The following PCDHA3 variants were observed in gnomAD, a reference collection of about 807,000 sequenced individuals.
PCDHA3 encodes protocadherin alpha-3.
Under a neutral mutation model 62.2 loss-of-function variants are expected in PCDHA3, and 41 were observed. The ratio of observed to expected loss-of-function variants is 0.66; its 90% CI spans 0.51 to 0.86. The LOEUF (loss-of-function observed/expected upper bound fraction) is 0.86, where lower values mean the gene tolerates loss of function less well. Ranked by LOEUF, PCDHA3 falls within the 40% of genes least tolerant of loss-of-function variation. The pLI, the probability that PCDHA3 is intolerant of heterozygous loss-of-function variation, is 0.00. For synonymous variants in PCDHA3, 640 were observed against 555.4 expected (o/e 1.15, Z -2.14); for missense variants, 1,304 against 1,241.2 (o/e 1.05, Z -0.76).
intron 1 of PCDHA3, chr5:140,871,625 ATGTC>A (rs1304722830): frequency 2.1e-6 from 3 of 1,403,018 alleles, no homozygotes; most frequent in Non-Finnish European, 2.8e-6. Context: ...TTAGATAACA[ATGTC>A]TGTTCATAAA....
At chr5:140,841,119 T>G (rs572378133) in intron 1 of PCDHA3, 1 of 628,942 alleles carries the variant, frequency 1.6e-6, no homozygotes, top group East Asian at 2.8e-5. Flanking sequence ...ATTCATGTAA[T>G]CATTACCTTT....
At chr5:140,958,696 G>A (rs1276859394) in intron 1 of PCDHA3, among the ~76,000 whole-genome samples, 1 of 152,156 alleles carries the variant, frequency 6.6e-6, no homozygotes, top group African/African-American at 2.4e-5. Flanking sequence ...ATATCCTAGA[G>A]TGACAACTCT....
intron 1 of PCDHA3, chr5:140,825,598 A>G (rs1581824463): frequency 6.6e-6 from 1 of 151,392 alleles, no homozygotes; most frequent in Admixed American, 6.6e-5. Context: ...AATTTTTTGT[A>G]TTTACTAGAG....
chr5:140,869,424 G>T (rs2051119407), intron 1 of PCDHA3: 18 of 1,614,216 alleles, frequency 1.1e-5, no homozygotes, highest in Non-Finnish European at 1.5e-5. Context: ...TCCACCTGGA[G>T]GTGATCGTGG....
chr5:140,941,942 T>C (rs2093203170), intron 1 of PCDHA3, among the ~76,000 whole-genome samples: 1 of 152,234 alleles, frequency 6.6e-6, no homozygotes, highest in African/African-American at 2.4e-5. Flanking sequence ...GAATTACTTT[T>C]GTTTTGAAAA....
At chr5:140,870,956 G>A (rs1554164932) in intron 1 of PCDHA3, 1 of 1,613,634 alleles carries the variant, frequency 6.2e-7, no homozygotes, top group Non-Finnish European at 8.5e-7. Context: ...GGCGGCTCGC[G>A]CATCCCGTTC....
At chr5:140,813,701 T>C (rs1357326463) in intron 1 of PCDHA3, 1 of 152,174 alleles carries the variant, frequency 6.6e-6, no homozygotes, top group Non-Finnish European at 1.5e-5. Flanking sequence ...TATCAAAAAA[T>C]TTTCTTTTTA....
chr5:140,927,256 C>T, intron 1 of PCDHA3: 1 of 1,614,144 alleles, frequency 6.2e-7, no homozygotes, highest in Non-Finnish European at 8.5e-7. Context: ...TGACAACTCA[C>T]CTCTCTTTCC....
intron 1 of PCDHA3, among the ~76,000 whole-genome samples, chr5:140,970,255 A>G (rs155806): frequency 0.089 from 13,563 of 152,250 alleles, 783 homozygotes; most frequent in Middle Eastern, 0.22. Context: ...GACAGTTTCT[A>G]TGGTTTTGAT....
rs946669637 is a variant in PCDHA3, at chr5:140,923,020, G to C, written c.2395-55929G>C. On this transcript the variant is annotated intron_variant, in intron 1 of 3. Coordinates refer to ENST00000522353, the MANE Select transcript of PCDHA3 (RefSeq NM_018906.3). ...AGAATGGTTGTTGGACTGCAGTTTCGGACTCTATTACTACATGTATAGTAT... is the reference window on the plus strand; with the variant it reads ...AGAATGGTTGTTGGACTGCAGTTTCCGACTCTATTACTACATGTATAGTAT... Among the ~76,000 whole-genome samples the C allele has an allele frequency of 2.0e-5, 3 of 152,230 alleles. No homozygotes were observed. The East Asian group carries it at 5.8e-4, about 29-fold the overall frequency.
At chr5:140,838,041 C>T (rs1479923409) in intron 1 of PCDHA3, among the ~76,000 whole-genome samples, 1 of 149,154 alleles carries the variant, frequency 6.7e-6, no homozygotes. Flanking sequence ...TACCTTTCTG[C>T]ACTTTTTGGT....
chr5:140,917,164 G>C (rs155804), intron 1 of PCDHA3, among the ~76,000 whole-genome samples: 48,022 of 151,994 alleles, frequency 0.32, 7,940 homozygotes, highest in East Asian at 0.52. Context: ...TATGGGAGGG[G>C]TGATGGTGGT....
At chr5:140,823,721 T>C in intron 1 of PCDHA3, 1 of 1,613,916 alleles carries the variant, frequency 6.2e-7, no homozygotes, top group African/African-American at 1.3e-5. Flanking sequence ...CTTCTGGTGC[T>C]GGTGAAGGAC....
intron 1 of PCDHA3, among the ~76,000 whole-genome samples, chr5:140,892,166 A>G (rs2063413664): frequency 6.6e-6 from 1 of 152,228 alleles, no homozygotes; most frequent in Admixed American, 6.5e-5. Flanking sequence ...TATGTCCAGT[A>G]ACTGGGATCC....
chr5:140,870,722 G>A (rs1554164638), intron 1 of PCDHA3: 2 of 1,613,222 alleles, frequency 1.2e-6, no homozygotes, highest in East Asian at 2.2e-5. Context: ...CGCGATGCGG[G>A]CGTGCCGCCT....
At chr5:140,967,996 C>T in intron 1 of PCDHA3, 2 of 1,614,214 alleles carry the variant, frequency 1.2e-6, no homozygotes, top group Non-Finnish European at 1.7e-6. Flanking sequence ...CACTGCCTTT[C>T]CGACTGAATG....
At chr5:140,949,682 A>T (rs1229666281) in intron 1 of PCDHA3, among the ~76,000 whole-genome samples, 3 of 151,768 alleles carry the variant, frequency 2.0e-5, no homozygotes, top group Non-Finnish European at 4.4e-5. Context: ...CCCTTGTTGA[A>T]GCGTATTGTT....
intron 1 of PCDHA3, chr5:140,829,834 G>T (rs1263397985): frequency 6.2e-7 from 1 of 1,613,928 alleles, no homozygotes. Flanking sequence ...GCGAGCTGGT[G>T]CCGCGGTCAC....
chr5:140,849,672 G>C (rs2150444436), intron 1 of PCDHA3: 3 of 1,598,534 alleles, frequency 1.9e-6, no homozygotes, highest in Middle Eastern at 1.7e-4. Flanking sequence ...GACGCCCCAC[G>C]TCCCCTTCAA....
Sources: allele counts gnomAD v4.1 joint callset (sites outside exome capture counted in the v4.1 genomes callset), GRCh38; gene constraint gnomAD v4.1.1; transcripts MANE v1.5; gene names NCBI Gene and HGNC (gene_info 2026-07-23, HGNC 2026-07-21).